SUSD1: variants seen among roughly 807,000 people sequenced by gnomAD.
SUSD1 encodes the protein sushi domain-containing protein 1.
A neutral mutation model predicts 86.9 loss-of-function variants in SUSD1; 65 were observed. The observed-to-expected ratio is 0.75, with a 90% CI of 0.61 to 0.92. The LOEUF (loss-of-function observed/expected upper bound fraction) is 0.92, where lower values mean the gene tolerates loss of function less well. Ranked by LOEUF, SUSD1 falls within the 40% of genes least tolerant of loss-of-function variation. The pLI, the probability that SUSD1 is intolerant of heterozygous loss-of-function variation, is 0.00. For missense variants in SUSD1, 850 were observed against 929.7 expected (o/e 0.91, Z 1.11); for synonymous variants, 346 against 350.0 (o/e 0.99, Z 0.13).
At position 112,052,594 on chromosome 9, in the gene SUSD1, A is replaced by C. The variant is rs141663449; in HGVS notation, c.2110-156T>G. ...CAATCTAGCTCTAATATCTTGTGAT[A>C]TCACTAAGTGTTCAAGGGACCGGCG... On this transcript the variant is annotated intron_variant, in intron 14 of 16. Coordinates refer to ENST00000374270, the MANE Select transcript of SUSD1 (RefSeq NM_022486.5). Among the ~76,000 whole-genome samples the C allele has an allele frequency of 5.4e-3, 822 of 152,336 alleles. 9 individuals are homozygous for C. Among genetic ancestry groups the C allele is most frequent in the African/African-American group, 0.018 (763 of 41,578 alleles).
intron 10 of SUSD1, among the ~76,000 whole-genome samples, chr9:112,083,548 T>A (rs1829856057): frequency 6.6e-6 from 1 of 152,144 alleles, no homozygotes; most frequent in Non-Finnish European, 1.5e-5. Flanking sequence ...TTTTCTTATC[T>A]CACGGAACTA....
chr9:112,074,492 T>G (rs1483834336), intron 12 of SUSD1, among the ~76,000 whole-genome samples: 1 of 152,168 alleles, frequency 6.6e-6, no homozygotes, highest in Non-Finnish European at 1.5e-5. Flanking sequence ...TCCCTCAACA[T>G]TCCTAGAACC....
At chr9:112,164,074 G>C (rs1833681159) in intron 1 of SUSD1, among the ~76,000 whole-genome samples, 1 of 152,024 alleles carries the variant, frequency 6.6e-6, no homozygotes, top group African/African-American at 2.4e-5. Context: ...TGTAACTATT[G>C]AGTAAATCTA....
At chr9:112,127,587 T>C (rs1831831863) in intron 5 of SUSD1, among the ~76,000 whole-genome samples, 1 of 152,116 alleles carries the variant, frequency 6.6e-6, no homozygotes, top group Admixed American at 6.6e-5. Flanking sequence ...TCTATGTTCA[T>C]TCGTTTATTT....
chr9:112,051,794 C>T (rs1204118719), intron 15 of SUSD1, among the ~76,000 whole-genome samples: 2 of 152,108 alleles, frequency 1.3e-5, no homozygotes, highest in Non-Finnish European at 2.9e-5. Flanking sequence ...GGCTTTTCGG[C>T]ATCTTTTCCT....
intron 3 of SUSD1, chr9:112,146,030 C>T (rs1196987182): frequency 2.0e-5 from 3 of 152,194 alleles, no homozygotes; most frequent in Non-Finnish European, 4.4e-5. Flanking sequence ...CAATAAACAC[C>T]TGGATGCAGG....
At chr9:112,132,284 A>C (rs1410372825) in intron 5 of SUSD1, among the ~76,000 whole-genome samples, 1 of 152,210 alleles carries the variant, frequency 6.6e-6, no homozygotes, top group African/African-American at 2.4e-5. Context: ...AACAATGCCA[A>C]TAAATTGAGG....
intron 12 of SUSD1, among the ~76,000 whole-genome samples, chr9:112,074,578 A>G (rs1829431916): frequency 6.6e-6 from 1 of 152,222 alleles, no homozygotes; most frequent in African/African-American, 2.4e-5. Context: ...GATTTAACGT[A>G]AGACACTCAG....
intron 8 of SUSD1, among the ~76,000 whole-genome samples, chr9:112,105,231 T>C (rs1830786995): frequency 6.6e-6 from 1 of 152,116 alleles, no homozygotes; most frequent in African/African-American, 2.4e-5. Context: ...TTGTTATATA[T>C]TCAAAGAAGG....
chr9:112,102,595 A>G (rs1187882983), intron 8 of SUSD1, among the ~76,000 whole-genome samples: 1 of 152,256 alleles, frequency 6.6e-6, no homozygotes. Flanking sequence ...ATTAATAAAG[A>G]AAGCTGTGAT....
At position 112,157,522 on chromosome 9, in the gene SUSD1, C is replaced by T. The variant is rs745788870; in HGVS notation, c.195G>A (p.Gly65=). 4.3e-6 allele frequency: 7 copies of T among 1,613,982 alleles called. 1 individual carries two copies. The highest frequency in any genetic ancestry group is 3.3e-5 in the South Asian group (3 of 91,066). Residue 65 remains glycine (G), a synonymous_variant, in exon 2 of 17, where the codon GGG becomes GGA. Coordinates refer to ENST00000374270, the MANE Select transcript of SUSD1 (RefSeq NM_022486.5). Reference sequence around the variant, plus strand: ...TACCAACACACTGAGTCCTCCCGTTCCCTACAAATCCATAGTTGCAAATAC... The same window carrying T: ...TACCAACACACTGAGTCCTCCCGTTTCCTACAAATCCATAGTTGCAAATAC... ...KICICNYGFV[G]NGRTQCVDKN...
At chr9:112,058,725 A>G in intron 13 of SUSD1, 39 bp from the exon 14 acceptor site, 1 of 1,600,338 alleles carries the variant, frequency 6.2e-7, no homozygotes, top group South Asian at 1.1e-5. Context: ...AGACCCTTGC[A>G]TGGGGAGTTC....
At chr9:112,171,344 A>C (rs1319067015) in intron 1 of SUSD1, among the ~76,000 whole-genome samples, 1 of 152,084 alleles carries the variant, frequency 6.6e-6, no homozygotes, top group Non-Finnish European at 1.5e-5. Context: ...CTCCCTTGTC[A>C]CAGCAAGTTC....
rs772463973 is a variant in SUSD1 at position 112,142,407 on chromosome 9, T to C, written c.619A>G (p.Arg207Gly). 55 of 1,614,014 alleles carry C rather than the reference T, an allele frequency of 3.4e-5. 1 individual carries two copies. The highest frequency in any genetic ancestry group is 3.6e-5 in the Non-Finnish European group (43 of 1,180,024). ...TCTGGAACACTGAAGAATCCTTCTC[T>C]GCAAGCATAACGAACCTGGCTGCCC... ...SLGSQVRYACREGFFSVPEDT... is the reference protein window; with the variant it reads ...SLGSQVRYACGEGFFSVPEDT... Residue 207 changes from arginine (R) to glycine (G), a missense_variant, in exon 5 of 17, where the codon AGA becomes GGA. Coordinates refer to ENST00000374270, the MANE Select transcript of SUSD1 (RefSeq NM_022486.5).
chr9:112,155,492 C>G (rs2131813112), intron 2 of SUSD1, among the ~76,000 whole-genome samples: 1 of 152,274 alleles, frequency 6.6e-6, no homozygotes, highest in Non-Finnish European at 1.5e-5. Flanking sequence ...AGGCTTCACT[C>G]CAGCCTGCAG....
chr9:112,070,332 CT>C (rs1180811696), intron 12 of SUSD1, among the ~76,000 whole-genome samples: 1 of 152,162 alleles, frequency 6.6e-6, no homozygotes, highest in African/African-American at 2.4e-5. Context: ...AAACAGTCTA[CT>C]TTTTCTCTCC....
chr9:112,175,069 A>G lies in SUSD1; in HGVS notation c.103+64T>C. 6 of 991,430 alleles carry G rather than the reference A, an allele frequency of 6.1e-6. No homozygotes were observed. Among genetic ancestry groups the G allele is most frequent in the Non-Finnish European group, 7.2e-6 (6 of 833,740 alleles). The allele number at this position is 991,430 out of a possible 1,614,324, so 61.4% of individuals were successfully genotyped here. A position where few individuals can be genotyped will look rare whatever the true frequency, so the allele number is the denominator to read the frequency against. ...GGGGCGGGGAAGCGTCCGTGCGCCCAGAGTCCTCGAGGCCCAGCCGGGGGC... is the reference window on the plus strand; with the variant it reads ...GGGGCGGGGAAGCGTCCGTGCGCCCGGAGTCCTCGAGGCCCAGCCGGGGGC... On this transcript the variant is annotated intron_variant, in intron 1 of 16. Coordinates refer to ENST00000374270, the MANE Select transcript of SUSD1 (RefSeq NM_022486.5). This position sits in a 1 kb window ranked among gnomAD's most constrained non-coding sequence, Gnocchi z 4.7.
At chr9:112,142,602 C>A in intron 4 of SUSD1, 103 bp from the exon 5 acceptor site, 1 of 1,065,170 alleles carries the variant, frequency 9.4e-7, no homozygotes, top group East Asian at 2.7e-5. Context: ...CACACACCCC[C>A]GAGCCATATT....
chr9:112,163,925 CG>C (rs1833672707), intron 1 of SUSD1, among the ~76,000 whole-genome samples: 1 of 151,668 alleles, frequency 6.6e-6, no homozygotes, highest in South Asian at 2.1e-4. Context: ...CACTTGAACC[CG>C]GAAGGCAGAG....
Sources: allele counts gnomAD v4.1 joint callset (sites outside exome capture counted in the v4.1 genomes callset), GRCh38; gene constraint gnomAD v4.1.1; non-coding constraint Gnocchi (gnomAD v3.1); transcripts MANE v1.5; gene names NCBI Gene and HGNC (gene_info 2026-07-23, HGNC 2026-07-21).